Variants in ZFR observed in about 807,000 individuals in gnomAD.
ZFR encodes zinc finger RNA-binding protein.
A neutral mutation model predicts 130.7 loss-of-function variants in ZFR; 19 were observed. The observed-to-expected ratio is 0.15, with a 90% CI of 0.10 to 0.21. ZFR has a LOEUF of 0.21. ZFR is among the 10% of genes least tolerant of loss of function. The probability of loss-of-function intolerance (pLI) is 1.00; values close to 1 mark genes in which losing one functional copy is unlikely to be tolerated. For synonymous variants in ZFR, 466 were observed against 456.9 expected (o/e 1.02, Z -0.25); for missense variants, 872 against 1,321.5 (o/e 0.66, Z 5.27).
chr5:32,436,454 T>C (rs1754337413), intron 2 of ZFR, among the ~76,000 whole-genome samples: 1 of 152,148 alleles, frequency 6.6e-6, no homozygotes, highest in African/African-American at 2.4e-5. Context: ...CCTGGCCCCA[T>C]AGTTGTATTC....
chr5:32,443,695 G>A (rs757568429), intron 2 of ZFR, among the ~76,000 whole-genome samples: 1 of 152,272 alleles, frequency 6.6e-6, no homozygotes, highest in Admixed American at 6.5e-5. Flanking sequence ...CGGAGGAAAA[G>A]GTACCCGAGA....
intron 6 of ZFR, among the ~76,000 whole-genome samples, chr5:32,404,782 C>G (rs1298757427): frequency 6.6e-6 from 1 of 152,184 alleles, no homozygotes; most frequent in Non-Finnish European, 1.5e-5. Context: ...TTAGTAAGAA[C>G]AACTGGACAG....
At chr5:32,365,719 C>G (rs997852190) in intron 17 of ZFR, among the ~76,000 whole-genome samples, 1 of 151,112 alleles carries the variant, frequency 6.6e-6, no homozygotes, top group African/African-American at 2.4e-5. Flanking sequence ...TTGCAGTGAG[C>G]TGTGGTCGTG....
chr5:32,432,276 G>A (rs1754242547), intron 2 of ZFR, among the ~76,000 whole-genome samples: 1 of 152,074 alleles, frequency 6.6e-6, no homozygotes. Context: ...TGTATTTAGA[G>A]AACACAGTCC....
At chr5:32,403,422 T>C (rs1229798694) in intron 7 of ZFR, 25 bp from the exon 8 acceptor site, 1 of 1,595,442 alleles carries the variant, frequency 6.3e-7, no homozygotes, top group Non-Finnish European at 8.6e-7. Context: ...CACACTTATT[T>C]GTCAGGAAAC....
chr5:32,391,148 C>T (rs773522378), intron 11 of ZFR, among the ~76,000 whole-genome samples: 4 of 152,206 alleles, frequency 2.6e-5, no homozygotes, highest in African/African-American at 4.8e-5. Context: ...TGAAATCTTG[C>T]GCTGTCCAGC....
At position 32,355,829 on chromosome 5, in the gene ZFR, T is replaced by G; in HGVS notation, c.3156A>C (p.Arg1052Ser). 6.2e-7 allele frequency: 1 copy of G among 1,610,896 alleles called. No individual in the cohort carries two copies. The highest frequency in any genetic ancestry group is 8.5e-7 in the Non-Finnish European group (1 of 1,178,946). The change falls in exon 20 of 20, where the codon AGA becomes AGC. Residue 1052 changes from arginine (R) to serine (S), a missense_variant. Physicochemically the swap from Arg to Ser is moderately radical, Grantham distance 110. Around this residue, in one of 7 missense-constraint regions of ZFR, gnomAD observed 158 missense variants for 264.0 expected, o/e 0.60. Coordinates refer to ENST00000265069, the MANE Select transcript of ZFR (RefSeq NM_016107.5). The stretch of plus-strand genomic sequence containing the variant: ...CAAATCCATCAACTCCATCACTATC[T>G]CTTCTTCGTTTCCTGTTGTTGTGGA... Reference protein sequence around the residue: ...FNIHNNRKRRRDSDGVDGFEA... With the variant: ...FNIHNNRKRRSDSDGVDGFEA...
intron 9 of ZFR, among the ~76,000 whole-genome samples, chr5:32,397,546 T>G (rs1282084497): frequency 6.6e-6 from 1 of 152,068 alleles, no homozygotes; most frequent in Non-Finnish European, 1.5e-5. Flanking sequence ...CTCAGCCTCC[T>G]GGGTTCAAGC....
At chr5:32,373,133 G>A (rs1233618541) in intron 17 of ZFR, among the ~76,000 whole-genome samples, 2 of 152,128 alleles carry the variant, frequency 1.3e-5, no homozygotes, top group East Asian at 1.9e-4. Flanking sequence ...CGTGGCTCAC[G>A]CCTGTAATCC....
intron 11 of ZFR, among the ~76,000 whole-genome samples, 171 bp from the exon 12 acceptor site, chr5:32,390,608 A>C (rs758346894): frequency 6.6e-5 from 10 of 152,218 alleles, no homozygotes; most frequent in Admixed American, 1.3e-4. Context: ...AAGTAAATGA[A>C]AGAGAAAAGA....
At chr5:32,367,767 A>G (rs1290321211) in intron 17 of ZFR, among the ~76,000 whole-genome samples, 1 of 152,072 alleles carries the variant, frequency 6.6e-6, no homozygotes, top group Non-Finnish European at 1.5e-5. Flanking sequence ...CATGAAGTGT[A>G]TTTTTTCCCA....
At chr5:32,391,513 G>A (rs1322396988) in intron 11 of ZFR, among the ~76,000 whole-genome samples, 5 of 143,088 alleles carry the variant, frequency 3.5e-5, no homozygotes, top group Non-Finnish European at 7.5e-5. Context: ...ACCAACATAT[G>A]CGAAATCTAC....
intron 8 of ZFR, 120 bp from the exon 9 acceptor site, chr5:32,400,323 C>A (rs375171970): frequency 4.5e-6 from 3 of 662,754 alleles, no homozygotes; most frequent in Non-Finnish European, 6.8e-6. Flanking sequence ...AACTGACATA[C>A]AACAGATGAG....
intron 7 of ZFR, 50 bp downstream of exon 7, chr5:32,403,856 A>G: frequency 1.3e-6 from 2 of 1,483,858 alleles, no homozygotes; most frequent in South Asian, 3.1e-5. Context: ...TTGAAAAAGT[A>G]AAAGATAACA....
chr5:32,426,683 C>T (rs1374254764), intron 2 of ZFR, among the ~76,000 whole-genome samples: 1 of 152,214 alleles, frequency 6.6e-6, no homozygotes, highest in Non-Finnish European at 1.5e-5. Flanking sequence ...AGGTGGATCA[C>T]TTCAGCCCAG....
intron 2 of ZFR, among the ~76,000 whole-genome samples, chr5:32,423,311 AGAGT>A (rs537691900): frequency 6.2e-4 from 94 of 152,266 alleles, no homozygotes; most frequent in African/African-American, 2.2e-3. Flanking sequence ...CCTGAGCAAC[AGAGT>A]GAGACCCCTG....
intron 12 of ZFR, among the ~76,000 whole-genome samples, 193 bp downstream of exon 12, chr5:32,390,082 C>T (rs1483144581): frequency 6.6e-6 from 1 of 152,134 alleles, no homozygotes; most frequent in Non-Finnish European, 1.5e-5. Flanking sequence ...ACCTGGGAAG[C>T]GCACGTTACG....
intron 2 of ZFR, among the ~76,000 whole-genome samples, chr5:32,443,755 CAG>C (rs1374528542): frequency 6.6e-6 from 1 of 152,248 alleles, no homozygotes; most frequent in African/African-American, 2.4e-5. Flanking sequence ...GGCGACGACG[CAG>C]AGAGGCGTCG....
chr5:32,442,859 C>T (rs999951768), intron 2 of ZFR, among the ~76,000 whole-genome samples: 1 of 152,130 alleles, frequency 6.6e-6, no homozygotes, highest in Non-Finnish European at 1.5e-5. Context: ...TCTCATTTTA[C>T]AGATGATGAA....
Sources: allele counts gnomAD v4.1 joint callset (sites outside exome capture counted in the v4.1 genomes callset), GRCh38; gene constraint gnomAD v4.1.1; regional missense constraint gnomAD v4.1.1; transcripts MANE v1.5; gene names NCBI Gene and HGNC (gene_info 2026-07-23, HGNC 2026-07-21).